Variants in FYCO1 observed in about 807,000 individuals in gnomAD.
FYCO1 encodes the protein FYVE and coiled-coil domain-containing protein 1.
In FYCO1, 122 loss-of-function variants were observed where a neutral mutation model predicts 165.1. The ratio of observed to expected loss-of-function variants is 0.74; its 90% CI spans 0.64 to 0.86. FYCO1 has a LOEUF of 0.86. FYCO1 is among the 40% of genes least tolerant of loss of function. The pLI, the probability that FYCO1 is intolerant of heterozygous loss-of-function variation, is 0.00. For synonymous variants in FYCO1, 648 were observed against 742.5 expected, an observed-to-expected ratio of 0.87 and a Z score of 2.07; for missense variants, 1,702 against 1,810.3, an observed-to-expected ratio of 0.94 and a Z score of 1.09.
chr3:45,954,830 A>G (rs557826343), intron 14 of FYCO1, among the ~76,000 whole-genome samples: 2 of 152,332 alleles, frequency 1.3e-5, no homozygotes, highest in East Asian at 3.9e-4. Context: ...GCAAGGGGGC[A>G]GATATCTGCA....
chr3:45,979,774 G>A lies in FYCO1; in HGVS notation c.219C>T (p.Tyr73=). Residue 73 remains tyrosine (Y), a synonymous_variant, in exon 4 of 18, where the codon TAC becomes TAT. Transcript: ENST00000296137. ...TCACCTTGGCCAGGCAGGCACAGAA[G>A]TAATCCCAGTAGTCCTTCTTGTTGC... ...LLGNKKDYWD[Y]FCACLAKVKG... is the part of the protein sequence containing the mutation. The A allele has an allele frequency of 6.2e-7, 1 of 1,614,084 alleles. No individual in the cohort carries two copies. Among genetic ancestry groups the A allele is most frequent in the Non-Finnish European group, 8.5e-7 (1 of 1,179,960 alleles).
chr3:45,942,601 C>T (rs1436771830), intron 14 of FYCO1, among the ~76,000 whole-genome samples: 2 of 152,208 alleles, frequency 1.3e-5, no homozygotes, highest in Non-Finnish European at 2.9e-5. Flanking sequence ...CCCTAGTACC[C>T]TCTCCACTAC....
Position 45,959,529 on chromosome 3 carries a change from G to C in FYCO1, c.3451C>G (p.Leu1151Val), listed in dbSNP as rs375082007. The change falls in exon 12 of 18, where the codon CTC (leucine) becomes GTC (valine). Residue 1151 changes from leucine (L) to valine (V), a missense_variant. Physicochemically the swap from Leu to Val is conservative, Grantham distance 32. Coordinates refer to ENST00000296137, the MANE Select transcript of FYCO1 (RefSeq NM_024513.4). Reference protein sequence around the residue: ...LIELLRDKDALWQKSDALEFQ... With the variant: ...LIELLRDKDAVWQKSDALEFQ... Reference sequence around the variant, plus strand: ...TCCAGGGCATCTGACTTCTGCCAGAGAGCATCCTTGTCCCTGGGACAAAAC... The same window carrying C: ...TCCAGGGCATCTGACTTCTGCCAGACAGCATCCTTGTCCCTGGGACAAAAC... 1 of 1,614,186 alleles carries C rather than the reference G, an allele frequency of 6.2e-7. No individual in the cohort carries two copies. The highest frequency in any genetic ancestry group is 8.5e-7 in the Non-Finnish European group (1 of 1,180,032).
At chr3:45,924,159 G>A (rs958972994) in intron 16 of FYCO1, among the ~76,000 whole-genome samples, 7 of 152,104 alleles carry the variant, frequency 4.6e-5, no homozygotes, top group African/African-American at 1.7e-4. Context: ...CTTGGGTCTC[G>A]CAGGACAGGC....
In FYCO1 at chr3:45,962,068, T is replaced by C. The variant is rs1705724806; in HGVS notation, c.3437+157A>G. Among the ~76,000 whole-genome samples, 1 of 152,168 alleles carries C rather than the reference T, an allele frequency of 6.6e-6. No homozygotes were observed. The highest frequency in any genetic ancestry group is 1.5e-5 in the Non-Finnish European group (1 of 68,030). On this transcript the variant is annotated intron_variant, in intron 11 of 17. Transcript: ENST00000296137. This position sits in a 1 kb window ranked among gnomAD's most constrained non-coding sequence, Gnocchi z 4.4. Reference sequence around the variant, plus strand: ...GCGCTGGAGTTTGGGACTCTAGTACTGGGGAAAGTGAGATGGAGAAGGAGA... The same window carrying C: ...GCGCTGGAGTTTGGGACTCTAGTACCGGGGAAAGTGAGATGGAGAAGGAGA...
At chr3:45,934,706 T>C (rs981428266) in intron 15 of FYCO1, among the ~76,000 whole-genome samples, 2 of 152,190 alleles carry the variant, frequency 1.3e-5, no homozygotes, top group Non-Finnish European at 2.9e-5. Context: ...ATCTTATCAA[T>C]TGATGTAGAA....
intron 6 of FYCO1, among the ~76,000 whole-genome samples, chr3:45,972,170 T>C (rs1036425161): frequency 6.6e-6 from 1 of 152,144 alleles, no homozygotes; most frequent in African/African-American, 2.4e-5. Context: ...AAAAAGAGTA[T>C]CTGGGCCAGG....
chr3:45,954,735 C>T (rs893100338), intron 14 of FYCO1, among the ~76,000 whole-genome samples: 9 of 152,114 alleles, frequency 5.9e-5, no homozygotes, highest in Admixed American at 1.3e-4. Flanking sequence ...CTAATCCAAT[C>T]GACCAGTGTC....
intron 8 of FYCO1, among the ~76,000 whole-genome samples, chr3:45,965,341 C>T (rs1269934740): frequency 1.3e-5 from 2 of 152,188 alleles, no homozygotes; most frequent in Admixed American, 1.3e-4. Flanking sequence ...ACTTAATTTC[C>T]GCAAGGGAAA....
rs1016974773 is a variant in FYCO1 at position 45,967,887 on chromosome 3, A to G, written c.1447T>C (p.Trp483Arg). 26 of 1,613,902 alleles carry G rather than the reference A, an allele frequency of 1.6e-5. No individual in the cohort carries two copies. The highest frequency in any genetic ancestry group is 2.2e-5 in the Non-Finnish European group (26 of 1,179,980). ...CTCAACTCTGCTAGCTCCTCCTCCC[A>G]GGAGCTCGTGTGGGCCAGCAACTCC... is the stretch of plus-strand genomic sequence containing the variant. Reference protein sequence around the residue: ...LQELLAHTSSWEEELAELRRE... With the variant: ...LQELLAHTSSREEELAELRRE... The change falls in exon 8 of 18, where the codon TGG becomes CGG. Residue 483 changes from tryptophan to arginine, a missense_variant. Trp to Arg is a moderately radical substitution (Grantham distance 101). Coordinates refer to ENST00000296137, the MANE Select transcript of FYCO1 (RefSeq NM_024513.4).
intron 14 of FYCO1, among the ~76,000 whole-genome samples, chr3:45,942,762 A>G (rs1452199460): frequency 2.0e-5 from 3 of 152,194 alleles, no homozygotes; most frequent in African/African-American, 7.2e-5. Flanking sequence ...GAATTCCAGG[A>G]GTACAGAGGG....
At chr3:45,971,575 A>G (rs1706448357) in intron 6 of FYCO1, among the ~76,000 whole-genome samples, 1 of 152,260 alleles carries the variant, frequency 6.6e-6, no homozygotes, top group African/African-American at 2.4e-5. Flanking sequence ...TGACAAGGAC[A>G]CAACAGGTAA....
Position 45,962,114 on chromosome 3 carries a change from G to T in FYCO1, c.3437+111C>A, listed in dbSNP as rs1057406654. On this transcript the variant is annotated intron_variant, in intron 11 of 17. Coordinates refer to ENST00000296137, the MANE Select transcript of FYCO1 (RefSeq NM_024513.4). This position sits in a 1 kb window ranked among gnomAD's most constrained non-coding sequence, Gnocchi z 4.4. ...GGAGAGAGGGGCTCCTGAGACAGCA[G>T]CAAGAAAGTGGGGAAATTTCTGAAG... The T allele has an allele frequency of 3.3e-6, 4 of 1,217,068 alleles. No individual in the cohort carries two copies. The African/African-American group carries it at 5.9e-5, about 18-fold the overall frequency. The allele number at this position is 1,217,068 out of a possible 1,614,324, so 75.4% of individuals were successfully genotyped here. A position where few individuals can be genotyped will look rare whatever the true frequency, so the allele number is the denominator to read the frequency against.
chr3:45,947,767 C>A, intron 14 of FYCO1: 1 of 487,026 alleles, frequency 2.1e-6, no homozygotes, highest in African/African-American at 1.9e-5. Context: ...ATGCTGAAAC[C>A]AAGGGGGATG....
intron 15 of FYCO1, among the ~76,000 whole-genome samples, chr3:45,933,460 G>A (rs72892913): frequency 5.5e-4 from 83 of 152,272 alleles, no homozygotes; most frequent in African/African-American, 1.8e-3. Flanking sequence ...TCAAAGACCT[G>A]CCTTGGATCT....
At chr3:45,980,777 C>T (rs187843461) in intron 3 of FYCO1, among the ~76,000 whole-genome samples, 2 of 152,094 alleles carry the variant, frequency 1.3e-5, no homozygotes, top group South Asian at 4.1e-4. Context: ...ATTACAGAAG[C>T]AAGATATGCG....
intron 5 of FYCO1, among the ~76,000 whole-genome samples, chr3:45,974,336 G>A (rs1010020268): frequency 2.6e-5 from 4 of 152,234 alleles, no homozygotes; most frequent in African/African-American, 9.6e-5. Flanking sequence ...TCGTGCCACT[G>A]CACTCCCGCG....
Position 45,968,540 on chromosome 3 carries a change from G to GC in FYCO1, c.793dup (p.Ala265GlyfsTer33), listed in dbSNP as rs1706240480. On this transcript the variant is annotated frameshift_variant, in exon 8 of 18. Coordinates refer to ENST00000296137, the MANE Select transcript of FYCO1 (RefSeq NM_024513.4). LOFTEE classifies it high-confidence loss of function. ...TTGCTCCCCTTGCTGGCTGACAGCT[G>GC]CCCTCAGCTCCTGGTTCTCTCTGTC... The GC allele has an allele frequency of 6.2e-7, 1 of 1,613,942 alleles. No homozygotes were observed. Among genetic ancestry groups the GC allele is most frequent in the Non-Finnish European group, 8.5e-7 (1 of 1,180,028 alleles).
At chr3:45,949,427 TAG>T (rs1553623434) in intron 14 of FYCO1, among the ~76,000 whole-genome samples, 1 of 152,164 alleles carries the variant, frequency 6.6e-6, no homozygotes, top group Non-Finnish European at 1.5e-5. Context: ...GAGGCAGAAG[TAG>T]AGTCAGGAGA....
Sources: gnomAD v4.1 joint callset for allele counts (sites outside exome capture counted in the v4.1 genomes callset) on GRCh38, gnomAD v4.1.1 for gene constraint, Gnocchi (gnomAD v3.1) non-coding constraint, MANE v1.5 for transcripts, NCBI Gene and HGNC (gene_info 2026-07-23, HGNC 2026-07-21) for gene names.